The following PCDHA2 variants were observed in gnomAD, a reference collection of about 807,000 sequenced individuals.
PCDHA2 encodes the protein protocadherin alpha-2.
In PCDHA2, 58 loss-of-function variants were observed where a neutral mutation model predicts 66.0. The observed-to-expected ratio is 0.88, with a 90% CI of 0.71 to 1.09. The LOEUF (loss-of-function observed/expected upper bound fraction) is 1.09, where lower values mean the gene tolerates loss of function less well. Ranked by LOEUF, PCDHA2 falls within the 50% of genes least tolerant of loss-of-function variation. PCDHA2 has a pLI of 0.00. For missense variants in PCDHA2, 1,267 were observed against 1,242.3 expected (o/e 1.02, Z -0.30); for synonymous variants, 634 against 554.0 (o/e 1.14, Z -2.03).
chr5:140,858,297 A>G, intron 1 of PCDHA2: 2 of 1,597,406 alleles, frequency 1.3e-6, no homozygotes, highest in Non-Finnish European at 1.7e-6. Flanking sequence ...TCTTACTCGC[A>G]GCAGAGGCGG....
At chr5:140,802,733 G>A (rs1763012101) in intron 1 of PCDHA2, 3 of 1,612,488 alleles carry the variant, frequency 1.9e-6, no homozygotes, top group South Asian at 2.2e-5. Flanking sequence ...CGGTACACGC[G>A]GAGAGCGGCA....
chr5:140,927,155 G>A (rs2083907874), intron 1 of PCDHA2: 1 of 1,614,076 alleles, frequency 6.2e-7, no homozygotes, highest in Non-Finnish European at 8.5e-7. Flanking sequence ...CAGCTGTGCA[G>A]GGCCAAAGCT....
rs545348313 is a variant in PCDHA2, at chr5:140,968,526, C to T, written c.2389-10423C>T. ...ATTCTGTACCCTACCTCAACCAACTCGTCAGCAGCCTTCGAGATGGTGCCT... is the reference window on the plus strand; with the variant it reads ...ATTCTGTACCCTACCTCAACCAACTTGTCAGCAGCCTTCGAGATGGTGCCT... On this transcript the variant is annotated intron_variant, in intron 1 of 3. Transcript: ENST00000526136. 9.9e-6 allele frequency: 16 copies of T among 1,614,200 alleles called. No individual in the cohort carries two copies. The Admixed American group carries it at 1.3e-4, about 13-fold the overall frequency.
chr5:140,929,164 G>A (rs1554206780), intron 1 of PCDHA2: 10 of 1,614,150 alleles, frequency 6.2e-6, no homozygotes, highest in East Asian at 2.2e-5. Context: ...TCTCTATCGG[G>A]CCTCTCTGGG....
intron 1 of PCDHA2, among the ~76,000 whole-genome samples, chr5:140,837,948 G>A (rs1426509555): frequency 6.6e-6 from 1 of 151,422 alleles, no homozygotes; most frequent in Non-Finnish European, 1.5e-5. Context: ...CAAAGTATTG[G>A]GATTACAGAC....
intron 1 of PCDHA2, chr5:140,928,982 G>T: frequency 6.2e-7 from 1 of 1,613,824 alleles, no homozygotes; most frequent in Non-Finnish European, 8.5e-7. Flanking sequence ...TTATTTCTGG[G>T]GTGCTTACTT....
At chr5:140,858,494 C>A (rs1451749220) in intron 1 of PCDHA2, 1 of 1,482,778 alleles carries the variant, frequency 6.7e-7, no homozygotes. Context: ...TTTCTCTTAC[C>A]GCATTTTCTC....
intron 1 of PCDHA2, chr5:140,836,900 T>C: frequency 3.4e-6 from 2 of 592,540 alleles, no homozygotes; most frequent in Non-Finnish European, 5.6e-6. Context: ...GAAGTACGTT[T>C]AATATACACT....
In PCDHA2 at chr5:140,996,437, G is replaced by A. The variant is rs1013018828; in HGVS notation, c.2537-13190G>A. On this transcript the variant is annotated intron_variant, in intron 3 of 3. Coordinates refer to ENST00000526136, the MANE Select transcript of PCDHA2 (RefSeq NM_018905.3). Reference sequence around the variant, plus strand: ...AGTGTGAAAACTTTGGGAATAGTCAGTGTCAAGTTGTGGTGCTAAGGGAGG... The same window carrying A: ...AGTGTGAAAACTTTGGGAATAGTCAATGTCAAGTTGTGGTGCTAAGGGAGG... Among the ~76,000 whole-genome samples the A allele has an allele frequency of 4.6e-5, 7 of 152,224 alleles. 1 individual carries two copies. The highest frequency in any genetic ancestry group is 2.6e-4 in the Admixed American group (4 of 15,280).
rs3822348 is a variant in PCDHA2, at chr5:140,807,476, C to G, written c.2388+10124C>G. On this transcript the variant is annotated intron_variant, in intron 1 of 3. Transcript: ENST00000526136. ...TCGGATCGACCGGGAGGAGCTGTGC[C>G]GGCGGAGCGCGGAGTGCAGCATCCA... 2.7e-4 allele frequency: 443 copies of G among 1,612,944 alleles called. 2 individuals are homozygous for G. In the East Asian group the frequency reaches 8.6e-3, roughly 31 times the overall value.
At chr5:140,998,199 C>A (rs1472137266) in intron 3 of PCDHA2, among the ~76,000 whole-genome samples, 2 of 152,172 alleles carry the variant, frequency 1.3e-5, no homozygotes, top group Non-Finnish European at 2.9e-5. Flanking sequence ...GTATTAACTC[C>A]TTTAATCTGT....
chr5:140,863,109 G>A, intron 1 of PCDHA2: 1 of 584,624 alleles, frequency 1.7e-6, no homozygotes, highest in Non-Finnish European at 3.4e-6. Flanking sequence ...CCCTGGACGA[G>A]GCGAAAGCTA....
chr5:140,835,847 G>T (rs140727991), intron 1 of PCDHA2: 20 of 1,612,344 alleles, frequency 1.2e-5, no homozygotes, highest in Admixed American at 1.7e-5. Flanking sequence ...AGAAGAACGC[G>T]CTGGTGTCCT....
rs1197657289 is a variant in PCDHA2 at position 140,900,491 on chromosome 5, G to A, written c.2389-78458G>A. Among the ~76,000 whole-genome samples the A allele has an allele frequency of 2.6e-5, 4 of 152,160 alleles. No homozygotes were observed. The East Asian group carries it at 7.7e-4, about 29-fold the overall frequency. On this transcript the variant is annotated intron_variant, in intron 1 of 3. Transcript: ENST00000526136. ...GGAGTTTCTCCATGTTGGTCAGACT[G>A]GTCTCAAATTCCCAGCCTCAGGTGA...
intron 1 of PCDHA2, among the ~76,000 whole-genome samples, chr5:140,935,456 C>G (rs981681011): frequency 6.6e-6 from 1 of 152,150 alleles, no homozygotes; most frequent in Non-Finnish European, 1.5e-5. Flanking sequence ...GATACTGTAG[C>G]AGTTTAAGTT....
chr5:140,822,577 G>A lies in PCDHA2; in HGVS notation c.2388+25225G>A, dbSNP rs1554128720. 7.4e-6 allele frequency: 12 copies of A among 1,612,030 alleles called. No homozygotes were observed. Among genetic ancestry groups the A allele is most frequent in the Non-Finnish European group, 1.0e-5 (12 of 1,178,406 alleles). ...AGTTATTAAACTGAACGCCTCAGAT[G>A]CAGATGAGGGCATCAATAAGGAAAT... On this transcript the variant is annotated intron_variant, in intron 1 of 3. Coordinates refer to ENST00000526136, the MANE Select transcript of PCDHA2 (RefSeq NM_018905.3).
chr5:140,874,818 T>C (rs1169923118), intron 1 of PCDHA2, among the ~76,000 whole-genome samples: 8 of 152,256 alleles, frequency 5.3e-5, no homozygotes, highest in Admixed American at 5.2e-4. Flanking sequence ...ACAATTTATA[T>C]AAATGAAATA....
chr5:140,869,835 A>G (rs782478328), intron 1 of PCDHA2: 160 of 1,611,656 alleles, frequency 9.9e-5, no homozygotes, highest in Non-Finnish European at 1.3e-4. Context: ...AGTTTGATAA[A>G]TCAGAATATA....
In PCDHA2 at chr5:141,010,363, G is replaced by A; in HGVS notation, c.*426G>A. On this transcript the variant is annotated 3_prime_UTR_variant, in exon 4 of 4. Coordinates refer to ENST00000526136, the MANE Select transcript of PCDHA2 (RefSeq NM_018905.3). ...CACTGGGTATGTGTGGCTACCGCGG[G>A]TATGCGAGTGCCAGATATTGGCTGA... 7 of 1,480,446 alleles carry A rather than the reference G, an allele frequency of 4.7e-6. No homozygotes were observed. The highest frequency in any genetic ancestry group is 5.4e-6 in the Non-Finnish European group (6 of 1,112,646). 91.7% of individuals were successfully genotyped at this position (1,480,446 alleles called of 1,614,324 possible). A position where few individuals can be genotyped will look rare whatever the true frequency, so the allele number is the denominator to read the frequency against.
Sources: allele counts gnomAD v4.1 joint callset (sites outside exome capture counted in the v4.1 genomes callset), GRCh38; gene constraint gnomAD v4.1.1; transcripts MANE v1.5; gene names NCBI Gene and HGNC (gene_info 2026-07-23, HGNC 2026-07-21).